Variants in TTC29 observed in about 807,000 individuals in gnomAD.
TTC29 encodes the protein tetratricopeptide repeat protein 29.
In TTC29, 49 loss-of-function variants were observed where a neutral mutation model predicts 58.1. The observed-to-expected ratio is 0.84, with a 90% confidence interval of 0.67 to 1.07. TTC29 has a LOEUF of 1.07. TTC29 is among the 50% of genes least tolerant of loss of function. TTC29 has a pLI of 0.00. For synonymous variants in TTC29, 209 were observed against 196.8 expected (o/e 1.06, Z -0.52); for missense variants, 582 against 555.6 (o/e 1.05, Z -0.48).
At chr4:146,785,787 A>G (rs1748962818) in intron 11 of TTC29, among the ~76,000 whole-genome samples, 2 of 152,116 alleles carry the variant, frequency 1.3e-5, no homozygotes, top group South Asian at 2.1e-4. Context: ...TTCTATTAAC[A>G]TTTCTGTTAT....
At chr4:146,852,623 C>G (rs1401230873) in intron 8 of TTC29, among the ~76,000 whole-genome samples, 1 of 152,210 alleles carries the variant, frequency 6.6e-6, no homozygotes, top group African/African-American at 2.4e-5. Flanking sequence ...CAACAGCTTC[C>G]CTGTTGCTTC....
chr4:146,786,640 G>A (rs1447781340), intron 11 of TTC29, among the ~76,000 whole-genome samples: 4 of 152,070 alleles, frequency 2.6e-5, no homozygotes, highest in Admixed American at 2.6e-4. Context: ...ACATAGTTTG[G>A]GGGTAATATT....
At chr4:146,791,732 CCAAA>C (rs1268913028) in intron 11 of TTC29, among the ~76,000 whole-genome samples, 4 of 152,066 alleles carry the variant, frequency 2.6e-5, no homozygotes, top group Admixed American at 6.6e-5. Context: ...GCCTCTTGTG[CCAAA>C]CAGTTAGCCA....
At chr4:146,877,215 T>A (rs1021564492) in intron 6 of TTC29, among the ~76,000 whole-genome samples, 1 of 152,164 alleles carries the variant, frequency 6.6e-6, no homozygotes, top group Non-Finnish European at 1.5e-5. Flanking sequence ...CAGTGTTATG[T>A]CTGGGAGGTA....
intron 11 of TTC29, among the ~76,000 whole-genome samples, chr4:146,784,598 A>ACCATG (rs1748868978): frequency 6.6e-6 from 1 of 152,166 alleles, no homozygotes; most frequent in Non-Finnish European, 1.5e-5. Context: ...TGCACCTTTG[A>ACCATG]CCATGTGAGG....
chr4:146,942,443 T>C (rs1270956649), intron 2 of TTC29: 3 of 460,008 alleles, frequency 6.5e-6, no homozygotes, highest in Non-Finnish European at 1.2e-5. Flanking sequence ...TGATTAGATG[T>C]TATATTAAAC....
chr4:146,792,933 C>T (rs1015078236), intron 11 of TTC29, among the ~76,000 whole-genome samples: 2 of 152,250 alleles, frequency 1.3e-5, no homozygotes, highest in African/African-American at 4.8e-5. Flanking sequence ...GGGAAATTCA[C>T]TGCAGTTGTG....
intron 8 of TTC29, among the ~76,000 whole-genome samples, chr4:146,841,819 C>G (rs1418433377): frequency 6.6e-6 from 1 of 151,972 alleles, no homozygotes; most frequent in Non-Finnish European, 1.5e-5. Context: ...TGCCAGGTGA[C>G]TTAATCTCTC....
intron 10 of TTC29, among the ~76,000 whole-genome samples, chr4:146,805,509 C>T (rs1750538350): frequency 6.6e-6 from 1 of 152,000 alleles, no homozygotes; most frequent in South Asian, 2.1e-4. Context: ...AGATGAATTC[C>T]TATCTAAAAT....
chr4:146,797,603 G>GT (rs147044818), intron 11 of TTC29, among the ~76,000 whole-genome samples: 4,725 of 150,846 alleles, frequency 0.031, 248 homozygotes, highest in African/African-American at 0.11. Flanking sequence ...GATCTTTCTG[G>GT]TTTTTTTTGT....
intron 9 of TTC29, 56 bp from the exon 10 acceptor site, chr4:146,820,304 A>G (rs1751730653): frequency 6.4e-7 from 1 of 1,565,390 alleles, no homozygotes; most frequent in Non-Finnish European, 8.6e-7. Flanking sequence ...ATGTCACAGT[A>G]AAGAGGAAGT....
intron 11 of TTC29, among the ~76,000 whole-genome samples, chr4:146,737,525 G>A (rs1409413667): frequency 6.6e-6 from 1 of 150,962 alleles, no homozygotes; most frequent in African/African-American, 2.4e-5. Context: ...TGATGACTAC[G>A]GGGCAGATTA....
At chr4:146,818,604 A>G (rs1381910029) in intron 10 of TTC29, among the ~76,000 whole-genome samples, 1 of 151,154 alleles carries the variant, frequency 6.6e-6, no homozygotes, top group East Asian at 2.0e-4. Context: ...AAAGGACTAT[A>G]AATCATGCTG....
chr4:146,725,588 C>T (rs1269299680), intron 11 of TTC29, among the ~76,000 whole-genome samples: 1 of 152,048 alleles, frequency 6.6e-6, no homozygotes, highest in Admixed American at 6.6e-5. Context: ...TTCCACGTAA[C>T]TAAATTAGGT....
At chr4:146,719,705 T>G (rs961341921) in intron 11 of TTC29, among the ~76,000 whole-genome samples, 1 of 152,170 alleles carries the variant, frequency 6.6e-6, no homozygotes, top group Admixed American at 6.6e-5. Context: ...TAATCTGACA[T>G]GTAGGCTATG....
At chr4:146,809,789 A>T (rs1394559366) in intron 10 of TTC29, among the ~76,000 whole-genome samples, 1 of 150,076 alleles carries the variant, frequency 6.7e-6, no homozygotes, top group Non-Finnish European at 1.5e-5. Context: ...AATGTGGAGA[A>T]ATAGAAACGT....
At chr4:146,869,879 C>T (rs962280919) in intron 7 of TTC29, among the ~76,000 whole-genome samples, 6 of 151,796 alleles carry the variant, frequency 4.0e-5, no homozygotes, top group East Asian at 1.9e-4. Context: ...AGAAAAATGT[C>T]GGTAAGAATA....
At position 146,784,542 on chromosome 4, in the gene TTC29, TAA is replaced by T. The variant is rs1748864157; in HGVS notation, c.1330+18913_1330+18914del. On this transcript the variant is annotated intron_variant, in intron 11 of 12. Transcript: ENST00000325106. The stretch of plus-strand genomic sequence containing the variant: ...TTAGATTATGTGTGCAGAGCCCTCA[TAA>T]ATGGGATTAGTGCCTTTATAAAAAA... Among the ~76,000 whole-genome samples the T allele has an allele frequency of 2.6e-5, 4 of 152,202 alleles. No homozygotes were observed. In the South Asian group the frequency reaches 6.2e-4, roughly 24 times the overall value.
chr4:146,874,886 T>A lies in TTC29; in HGVS notation c.629A>T (p.Gln210Leu). ...CTTCCATATCCGCCCCTGTGTCAAT[T>A]GATGGAATGCTTCATAATGCTCAGC... ...EAAEHYEAFH[Q>L]LTQGRIWKDE... The change falls in exon 7 of 13, where the codon CAA (glutamine) becomes CTA (leucine). Residue 210 changes from glutamine (Q) to leucine (L), a missense_variant. Physicochemically the swap from Gln to Leu is moderately radical, Grantham distance 113 (BLOSUM62 -2). Coordinates refer to ENST00000325106, the MANE Select transcript of TTC29 (RefSeq NM_031956.4). The A allele has an allele frequency of 6.2e-7, 1 of 1,613,528 alleles. No homozygotes were observed. The highest frequency in any genetic ancestry group is 8.5e-7 in the Non-Finnish European group (1 of 1,179,702).
Sources: allele counts gnomAD v4.1 joint callset (sites outside exome capture counted in the v4.1 genomes callset), GRCh38; gene constraint gnomAD v4.1.1; transcripts MANE v1.5; gene names NCBI Gene and HGNC (gene_info 2026-07-23, HGNC 2026-07-21).